TNKS: variants seen among roughly 807,000 people sequenced by gnomAD.
The protein encoded by TNKS is poly [ADP-ribose] polymerase tankyrase-1.
A neutral mutation model predicts 135.8 loss-of-function variants in TNKS; 72 were observed. The observed-to-expected ratio is 0.53, with a 90% CI of 0.44 to 0.64. TNKS has a LOEUF of 0.64. Among genes scored for constraint, TNKS ranks in the 30% least tolerant of loss-of-function variants. The pLI is 0.00. For missense variants in TNKS, 1,769 were observed against 1,674.0 expected (o/e 1.06, Z -0.99); for synonymous variants, 849 against 649.3 (o/e 1.31, Z -4.68).
intron 20 of TNKS, among the ~76,000 whole-genome samples, chr8:9,760,881 TGA>T (rs1358449486): frequency 3.9e-5 from 6 of 152,232 alleles, no homozygotes; most frequent in East Asian, 1.9e-4. Flanking sequence ...TGAGAATTTA[TGA>T]GAGAGTTTAA....
chr8:9,576,384 A>G (rs1797944368), intron 1 of TNKS, among the ~76,000 whole-genome samples: 1 of 152,012 alleles, frequency 6.6e-6, no homozygotes, highest in African/African-American at 2.4e-5. Flanking sequence ...GATATTTACA[A>G]TCATGGCAGA....
intron 11 of TNKS, among the ~76,000 whole-genome samples, chr8:9,715,055 C>A (rs1804537502): frequency 6.6e-6 from 1 of 152,026 alleles, no homozygotes; most frequent in African/African-American, 2.4e-5. Flanking sequence ...GAAGAGAAAG[C>A]TGGAAGTTCT....
At chr8:9,688,653 C>A (rs111720161) in intron 5 of TNKS, among the ~76,000 whole-genome samples, 1 of 151,666 alleles carries the variant, frequency 6.6e-6, no homozygotes, top group East Asian at 1.9e-4. Context: ...TTCTTTTTTT[C>A]TTTTGAGACA....
At chr8:9,657,850 AGCT>A (rs1801484161) in intron 3 of TNKS, among the ~76,000 whole-genome samples, 3 of 124,288 alleles carry the variant, frequency 2.4e-5, no homozygotes, top group African/African-American at 3.1e-5. Flanking sequence ...CAGACGGGGC[AGCT>A]GCCGGGCGGA....
At chr8:9,769,365 C>CTATT (rs1807662528) in intron 25 of TNKS, among the ~76,000 whole-genome samples, 1 of 152,212 alleles carries the variant, frequency 6.6e-6, no homozygotes. Flanking sequence ...TTCACCCAGA[C>CTATT]TATTATGATT....
At chr8:9,608,704 ATTC>A (rs1341114368) in intron 2 of TNKS, among the ~76,000 whole-genome samples, 1 of 152,174 alleles carries the variant, frequency 6.6e-6, no homozygotes, top group Non-Finnish European at 1.5e-5. Context: ...ACTCCAGCCA[ATTC>A]TTCTGCCTTG....
At chr8:9,700,167 C>G (rs1803728348) in intron 5 of TNKS, among the ~76,000 whole-genome samples, 1 of 152,094 alleles carries the variant, frequency 6.6e-6, no homozygotes, top group Non-Finnish European at 1.5e-5. Context: ...GGGATTTGTC[C>G]ACATCCACAG....
intron 26 of TNKS, among the ~76,000 whole-genome samples, chr8:9,771,381 AAAGAG>A: frequency 1.0e-5 from 1 of 99,182 alleles, no homozygotes; most frequent in South Asian, 3.4e-4. Flanking sequence ...GGAGGGAGGG[AAAGAG>A]AGAAAGGGAG....
At position 9,764,605 on chromosome 8, in the gene TNKS, A is replaced by T. The variant is rs754085982; in HGVS notation, c.3373-111A>T. On this transcript the variant is annotated intron_variant, in intron 22 of 26. Coordinates refer to ENST00000310430, the MANE Select transcript of TNKS (RefSeq NM_003747.3). The stretch of plus-strand genomic sequence containing the variant: ...AAATACTTATCCACTAAACTTGTTC[A>T]TCAATTTATAGTGAACTCCTATTTA... 9.1e-5 allele frequency: 61 copies of T among 670,038 alleles called. 1 individual carries two copies. Among genetic ancestry groups the T allele is most frequent in the Non-Finnish European group, 1.3e-4 (56 of 430,284 alleles). The allele number at this position is 670,038 out of a possible 1,614,324, so 41.5% of individuals were successfully genotyped here.
rs1252568492 is a variant in TNKS, at chr8:9,642,016, A to G, written c.994+26339A>G. Reference sequence around the variant, plus strand: ...CAATTTTTTGCACTTCTGAACTACAACAGTTGCTTCTTTACAAGCTTGATG... The same window carrying G: ...CAATTTTTTGCACTTCTGAACTACAGCAGTTGCTTCTTTACAAGCTTGATG... On this transcript the variant is annotated intron_variant, in intron 3 of 26. Transcript: ENST00000310430. Among the ~76,000 whole-genome samples the G allele has an allele frequency of 1.4e-5, 2 of 146,326 alleles. 1 individual carries two copies. Among genetic ancestry groups the G allele is most frequent in the African/African-American group, 5.1e-5 (2 of 39,528 alleles).
At chr8:9,717,577 A>AT (rs535931245) in intron 11 of TNKS, among the ~76,000 whole-genome samples, 117 of 152,180 alleles carry the variant, frequency 7.7e-4, no homozygotes, top group African/African-American at 2.7e-3. Flanking sequence ...CAAAAGTAGT[A>AT]TTTTTTATCA....
chr8:9,775,786 C>G (rs1808198502), intron 26 of TNKS, among the ~76,000 whole-genome samples: 1 of 151,746 alleles, frequency 6.6e-6, no homozygotes. Context: ...TTTTGGTCCC[C>G]AAAACACTTT....
intron 2 of TNKS, among the ~76,000 whole-genome samples, chr8:9,596,204 A>G (rs1473070620): frequency 6.6e-6 from 1 of 152,196 alleles, no homozygotes; most frequent in Non-Finnish European, 1.5e-5. Context: ...TTGTATGAAA[A>G]TGGTATTTGA....
intron 1 of TNKS, chr8:9,556,813 A>C (rs1384881546): frequency 3.4e-6 from 2 of 580,742 alleles, no homozygotes; most frequent in African/African-American, 3.8e-5. Flanking sequence ...AGTGAATCCA[A>C]GGAATTCTTC....
rs534675045 is a variant in TNKS at position 9,677,900 on chromosome 8, C to T, written c.995-2051C>T. ...CTTTCACTGTGGTAGCTTCCTTCTC[C>T]CTGACCCTGCTTCACCTGAGGATTA... On this transcript the variant is annotated intron_variant, in intron 3 of 26. Coordinates refer to ENST00000310430, the MANE Select transcript of TNKS (RefSeq NM_003747.3). 3.9e-5 allele frequency among the ~76,000 whole-genome samples: 6 copies of T among 152,276 alleles called. No homozygotes were observed. In the East Asian group the frequency reaches 1.2e-3, roughly 29 times the overall value.
At chr8:9,699,479 G>C (rs1803693503) in intron 5 of TNKS, among the ~76,000 whole-genome samples, 2 of 152,152 alleles carry the variant, frequency 1.3e-5, no homozygotes, top group South Asian at 4.2e-4. Context: ...CAATTTGTCT[G>C]TTCTTTTTCT....
chr8:9,637,989 G>A (rs1415224374), intron 3 of TNKS, among the ~76,000 whole-genome samples: 3 of 152,078 alleles, frequency 2.0e-5, no homozygotes, highest in African/African-American at 7.2e-5. Flanking sequence ...ATTTTCTAGA[G>A]ATGGGATCTC....
intron 18 of TNKS, among the ~76,000 whole-genome samples, chr8:9,751,367 G>A (rs958930682): frequency 1.3e-5 from 2 of 152,114 alleles, no homozygotes; most frequent in Admixed American, 6.5e-5. Context: ...AACACTGAAA[G>A]TGCTTTTTTT....
In TNKS at chr8:9,706,911, A is replaced by T; in HGVS notation, c.1370A>T (p.His457Leu). 1 of 1,614,130 alleles carries T rather than the reference A, an allele frequency of 6.2e-7. No homozygotes were observed. The highest frequency in any genetic ancestry group is 2.2e-5 in the East Asian group (1 of 44,868). The change falls in exon 8 of 27, where the codon CAT becomes CTT. Residue 457 changes from histidine to leucine, a missense_variant. Physicochemically the swap from His to Leu is moderately conservative, Grantham distance 99. Around this residue, in one of 5 missense-constraint regions of TNKS, gnomAD observed 523 missense variants for 541.0 expected, o/e 0.97. Transcript: ENST00000310430. ...GAAGTCTGCTCTTTGTTACTTAGCC[A>T]TGGCGCTGATCCTACATTAGTCAAC... is the stretch of plus-strand genomic sequence containing the variant. ...RVEVCSLLLS[H>L]GADPTLVNCH...
Sources: gnomAD v4.1 joint callset for allele counts (sites outside exome capture counted in the v4.1 genomes callset) on GRCh38, gnomAD v4.1.1 for gene constraint, gnomAD v4.1.1 regional missense constraint, MANE v1.5 for transcripts, NCBI Gene and HGNC (gene_info 2026-07-23, HGNC 2026-07-21) for gene names.